USP47: variants seen among roughly 807,000 people sequenced by gnomAD.
USP47 encodes ubiquitin specific peptidase 47, also known as ubiquitin carboxyl-terminal hydrolase 47.
Under a neutral mutation model 165.1 loss-of-function variants are expected in USP47, and 35 were observed. The ratio of observed to expected loss-of-function variants is 0.21; its 90% CI spans 0.16 to 0.28. The LOEUF (loss-of-function observed/expected upper bound fraction) is 0.28, where lower values mean the gene tolerates loss of function less well. USP47 is among the 10% of genes least tolerant of loss of function. USP47 has a pLI of 1.00. For missense variants in USP47, 1,277 were observed against 1,607.4 expected (o/e 0.79, Z 3.52); for synonymous variants, 531 against 544.5 (o/e 0.98, Z 0.35).
intron 1 of USP47, among the ~76,000 whole-genome samples, chr11:11,872,956 G>C (rs1850163994): frequency 6.6e-6 from 1 of 152,118 alleles, no homozygotes; most frequent in Non-Finnish European, 1.5e-5. Context: ...AAAACAATGA[G>C]TATTGAGGGA....
intron 15 of USP47, 125 bp downstream of exon 15, chr11:11,933,241 G>A: frequency 2.6e-6 from 2 of 765,972 alleles, no homozygotes; most frequent in East Asian, 2.7e-5. Flanking sequence ...ATTGAACAGT[G>A]TAACCAACTA....
At position 11,959,949 on chromosome 11, in the gene USP47, T is replaced by G. The variant is rs752275680; in HGVS notation, c.*3774T>G. On this transcript the variant is annotated 3_prime_UTR_variant, in exon 28 of 28. Transcript: ENST00000527733. ...CCCCACCTGTTTTCAGCCTCTTTTA[T>G]AATGCTTAAGTAACCTGCTTGAAGA... 6.6e-6 allele frequency among the ~76,000 whole-genome samples: 1 copy of G among 152,206 alleles called. No homozygotes were observed. The highest frequency in any genetic ancestry group is 1.5e-5 in the Non-Finnish European group (1 of 68,042).
chr11:11,890,631 AC>A (rs1308232651), intron 3 of USP47, among the ~76,000 whole-genome samples: 2 of 152,194 alleles, frequency 1.3e-5, no homozygotes, highest in Non-Finnish European at 2.9e-5. Context: ...AGGCAGAAAT[AC>A]CATTTGACCC....
Position 11,936,529 on chromosome 11 carries a change from T to TA in USP47, c.2077+19_2077+20insA. ...CCTGGAGGTGAGCAATTTTACACTA[T>TA]TTTTAGTTGTTCTGTACTTAGAATT... On this transcript the variant is annotated intron_variant, in intron 17 of 27. Coordinates refer to ENST00000527733, the MANE Select transcript of USP47 (RefSeq NM_001282659.2). The TA allele has an allele frequency of 6.5e-7, 1 of 1,539,828 alleles. No homozygotes were observed. Among genetic ancestry groups the TA allele is most frequent in the Non-Finnish European group, 8.8e-7 (1 of 1,136,860 alleles).
chr11:11,939,020 C>G (rs951343925), intron 18 of USP47, among the ~76,000 whole-genome samples: 1 of 151,898 alleles, frequency 6.6e-6, no homozygotes, highest in African/African-American at 2.4e-5. Context: ...GTAGACTTGA[C>G]AGGGAAGGTG....
intron 9 of USP47, 42 bp from the exon 10 acceptor site, chr11:11,920,300 A>G (rs963204996): frequency 1.9e-6 from 3 of 1,606,966 alleles, no homozygotes; most frequent in African/African-American, 1.3e-5. Context: ...ATAATATTCC[A>G]TATTCAATAG....
chr11:11,938,750 G>C (rs922276418), intron 18 of USP47, among the ~76,000 whole-genome samples: 1 of 151,958 alleles, frequency 6.6e-6, no homozygotes, highest in African/African-American at 2.4e-5. Flanking sequence ...TTAGTGTCTG[G>C]TGACACTAGA....
intron 1 of USP47, among the ~76,000 whole-genome samples, chr11:11,846,942 C>T (rs144149587): frequency 7.4e-4 from 112 of 152,004 alleles, no homozygotes; most frequent in African/African-American, 2.7e-3. Context: ...ACAAGTTTGT[C>T]AAGTTATACC....
chr11:11,868,934 T>C (rs951247612), intron 1 of USP47, among the ~76,000 whole-genome samples: 1 of 152,164 alleles, frequency 6.6e-6, no homozygotes, highest in Non-Finnish European at 1.5e-5. Context: ...TTCATTGAAA[T>C]GTCTTTTCAT....
chr11:11,925,466 A>G (rs1014489700), intron 11 of USP47, among the ~76,000 whole-genome samples: 2 of 152,024 alleles, frequency 1.3e-5, no homozygotes, highest in African/African-American at 4.8e-5. Context: ...GTTTATTCCT[A>G]AGAATTTTAT....
chr11:11,957,497 A>G lies in USP47; in HGVS notation c.*1322A>G, dbSNP rs1847258875. 1 of 152,784 alleles carries G rather than the reference A, an allele frequency of 6.5e-6. No homozygotes were observed. Among genetic ancestry groups the G allele is most frequent in the African/African-American group, 2.4e-5 (1 of 41,584 alleles). 9.5% of individuals were successfully genotyped at this position (152,784 alleles called of 1,614,324 possible). A position where few individuals can be genotyped will look rare whatever the true frequency, so the allele number is the denominator to read the frequency against. On this transcript the variant is annotated 3_prime_UTR_variant, in exon 28 of 28. Transcript: ENST00000527733. ...GCTGTTTACAACAATGAACATGCCAATAAAACATTTGTTCATTCTGTTGTG... is the reference window on the plus strand; with the variant it reads ...GCTGTTTACAACAATGAACATGCCAGTAAAACATTTGTTCATTCTGTTGTG...
chr11:11,908,027 G>A (rs939437236), intron 8 of USP47, among the ~76,000 whole-genome samples: 11 of 152,222 alleles, frequency 7.2e-5, no homozygotes, highest in Non-Finnish European at 1.3e-4. Flanking sequence ...GGCAGAGGCT[G>A]CAATGAGCTG....
At chr11:11,904,266 A>G (rs1852404920) in intron 7 of USP47, among the ~76,000 whole-genome samples, 1 of 152,208 alleles carries the variant, frequency 6.6e-6, no homozygotes. Context: ...GAAGAAGACA[A>G]TCACATATGA....
chr11:11,942,186 T>A, intron 19 of USP47, 149 bp from the exon 20 acceptor site: 1 of 932,006 alleles, frequency 1.1e-6, no homozygotes. Flanking sequence ...TTATTCAGTC[T>A]CCAAAACAAT....
At chr11:11,938,200 G>C (rs1855213421) in intron 17 of USP47, 57 bp from the exon 18 acceptor site, 1 of 1,481,684 alleles carries the variant, frequency 6.7e-7, no homozygotes, top group Non-Finnish European at 9.4e-7. Context: ...CATTACTCAT[G>C]TGAAATACAT....
At chr11:11,916,432 G>C (rs1301740596) in intron 8 of USP47, among the ~76,000 whole-genome samples, 1 of 151,686 alleles carries the variant, frequency 6.6e-6, no homozygotes, top group African/African-American at 2.4e-5. Flanking sequence ...AACAAAACCT[G>C]GTATCCAAAA....
rs372621904 is a variant in USP47 at position 11,887,867 on chromosome 11, A to G, written c.357+3287A>G. On this transcript the variant is annotated intron_variant, in intron 3 of 27. Transcript: ENST00000527733. ...CAAATGCAAAAGAACTGAAATTACAACAGACTCTCAGACCATAGCACAATC... is the reference window on the plus strand; with the variant it reads ...CAAATGCAAAAGAACTGAAATTACAGCAGACTCTCAGACCATAGCACAATC... Among the ~76,000 whole-genome samples, 52 of 152,318 alleles carry G rather than the reference A, an allele frequency of 3.4e-4. No individual in the cohort carries two copies. The East Asian group carries it at 3.8e-3, about 11-fold the overall frequency.
intron 14 of USP47, 97 bp from the exon 15 acceptor site, chr11:11,932,907 C>A: frequency 1.2e-6 from 1 of 833,978 alleles, no homozygotes; most frequent in Non-Finnish European, 1.9e-6. Flanking sequence ...ATGAGTGCTA[C>A]AGTAGAAGTA....
At position 11,958,012 on chromosome 11, in the gene USP47, A is replaced by C. The variant is rs569685146; in HGVS notation, c.*1837A>C. On this transcript the variant is annotated 3_prime_UTR_variant, in exon 28 of 28. Transcript: ENST00000527733. The stretch of plus-strand genomic sequence containing the variant: ...ACACTTGTGATGAATTGTCTTTCAG[A>C]TCACTTAGATTTTCTGATGTAAGAG... 18 of 152,320 alleles carry C rather than the reference A, an allele frequency of 1.2e-4. No homozygotes were observed. Among genetic ancestry groups the C allele is most frequent in the African/African-American group, 4.1e-4 (17 of 41,572 alleles). 9.4% of individuals were successfully genotyped at this position (152,320 alleles called of 1,614,324 possible). A position where few individuals can be genotyped will look rare whatever the true frequency, so the allele number is the denominator to read the frequency against.
Sources: gnomAD v4.1 joint callset for allele counts (sites outside exome capture counted in the v4.1 genomes callset) on GRCh38, gnomAD v4.1.1 for gene constraint, MANE v1.5 for transcripts, NCBI Gene and HGNC (gene_info 2026-07-23, HGNC 2026-07-21) for gene names.